Variants in ZNF469 observed in about 807,000 individuals in gnomAD.
ZNF469 encodes zinc finger protein 469.
A neutral mutation model predicts 1.0 loss-of-function variants in ZNF469; 1 was observed. The ratio of observed to expected loss-of-function variants is 1.00; its 90% confidence interval spans 0.35 to 4.73. The LOEUF (loss-of-function observed/expected upper bound fraction) is 4.73. Ranked by LOEUF, ZNF469 falls within the 30% of genes most tolerant of loss-of-function variation. ZNF469 has a pLI of 0.16. For synonymous variants in ZNF469, 2,703 were observed against 2,363.4 expected (o/e 1.14, Z -4.17); for missense variants, 6,100 against 5,356.3 (o/e 1.14, Z -4.33).
intron 1 of ZNF469, among the ~76,000 whole-genome samples, chr16:88,413,281 C>T (rs916653139): frequency 6.6e-5 from 10 of 152,212 alleles, no homozygotes; most frequent in Non-Finnish European, 1.5e-4. Flanking sequence ...GCGGCCTGGG[C>T]AGTGACACTC....
At chr16:88,107,605 G>C in the ZNF469 span, among the ~76,000 whole-genome samples, 6 of 152,210 alleles carry the variant, frequency 3.9e-5, no homozygotes, top group African/African-American at 1.4e-4. Flanking sequence ...GTGGCTGAGG[G>C]TCACGAGGCA....
the ZNF469 span, among the ~76,000 whole-genome samples, chr16:88,127,763 A>C: frequency 1.3e-5 from 2 of 152,340 alleles, no homozygotes; most frequent in Admixed American, 1.3e-4. Context: ...GAGATGAAGA[A>C]GGTTGGATTT....
the ZNF469 span, among the ~76,000 whole-genome samples, chr16:88,134,990 G>A: frequency 6.6e-6 from 1 of 152,206 alleles, no homozygotes; most frequent in African/African-American, 2.4e-5. Context: ...AAGTCCCCAG[G>A]CCGCTCCTCC....
chr16:88,429,326 G>A lies in ZNF469; in HGVS notation c.1856G>A (p.Ser619Asn). 1 of 1,549,916 alleles carries A rather than the reference G, an allele frequency of 6.5e-7. No homozygotes were observed. Among genetic ancestry groups the A allele is most frequent in the Non-Finnish European group, 8.7e-7 (1 of 1,146,852 alleles). Residue 619 changes from serine to asparagine, a missense_variant, in exon 3 of 3, where the codon AGC becomes AAC. Ser to Asn is a conservative substitution (Grantham distance 46, BLOSUM62 1). Coordinates refer to ENST00000565624, the MANE Select transcript of ZNF469 (RefSeq NM_001367624.2). ...ATGTCCAGCAGCCCAGCCAACCCCA[G>A]CTCAGAGGAAAGCCAGCTCCCCGGC... is the stretch of plus-strand genomic sequence containing the variant. ...SPMSSSPANP[S>N]SEESQLPGPL...
At position 88,433,845 on chromosome 16, in the gene ZNF469, C is replaced by A. The variant is rs1906374382; in HGVS notation, c.6375C>A (p.Cys2125Ter). ...PSPTSAAHMP[C>*]SLGPLPREDP... is the part of the protein sequence containing the mutation. ...CCACTTCAGCCGCCCACATGCCCTG[C>A]AGCCTTGGGCCCCTGCCCCGTGAAG... Residue 2125 changes from cysteine to a stop codon, truncating the protein, a stop_gained, in exon 3 of 3, where the codon TGC becomes TGA. Transcript: ENST00000565624. LOFTEE classifies it low-confidence loss of function (END_TRUNC). The A allele has an allele frequency of 1.3e-6, 2 of 1,549,636 alleles. No homozygotes were observed. Among genetic ancestry groups the A allele is most frequent in the African/African-American group, 2.7e-5 (2 of 73,064 alleles).
At chr16:88,212,142 AT>A in the ZNF469 span, among the ~76,000 whole-genome samples, 16 of 151,494 alleles carry the variant, frequency 1.1e-4, no homozygotes, top group Admixed American at 3.9e-4. Flanking sequence ...GGACCCAAGC[AT>A]TTTTTTTTCT....
At chr16:88,131,971 G>A in the ZNF469 span, among the ~76,000 whole-genome samples, 1 of 152,226 alleles carries the variant, frequency 6.6e-6, no homozygotes, top group African/African-American at 2.4e-5. Flanking sequence ...GCGCATCTCC[G>A]GGGCTGCTGA....
chr16:88,434,668 T>A lies in ZNF469; in HGVS notation c.7198T>A (p.Ser2400Thr). 6.5e-7 allele frequency: 1 copy of A among 1,550,238 alleles called. No homozygotes were observed. ...ATKMPRVTCPSTGLGLGRTTA... is the reference protein window; with the variant it reads ...ATKMPRVTCPTTGLGLGRTTA... ...CAAGATGCCCAGGGTCACCTGCCCT[T>A]CCACAGGACTGGGCTTGGGAAGAAC... Residue 2400 changes from serine to threonine, a missense_variant, in exon 3 of 3, where the codon TCC becomes ACC. Ser to Thr is a moderately conservative substitution (Grantham distance 58, BLOSUM62 1). Transcript: ENST00000565624.
the ZNF469 span, among the ~76,000 whole-genome samples, chr16:88,283,189 C>T: frequency 6.6e-6 from 1 of 151,892 alleles, no homozygotes; most frequent in African/African-American, 2.4e-5. Context: ...AGGAACGTTT[C>T]TGGGGTGATG....
intron 1 of ZNF469, among the ~76,000 whole-genome samples, chr16:88,397,053 G>A (rs1436274741): frequency 6.6e-6 from 1 of 150,754 alleles, no homozygotes; most frequent in African/African-American, 2.4e-5. Context: ...AAGACAGGCC[G>A]GGAGGAGACC....
intron 1 of ZNF469, among the ~76,000 whole-genome samples, chr16:88,408,044 A>C (rs567179159): frequency 6.6e-6 from 1 of 152,322 alleles, no homozygotes; most frequent in South Asian, 2.1e-4. Flanking sequence ...GCTGGCCAGG[A>C]AGCTCAGAGC....
the ZNF469 span, among the ~76,000 whole-genome samples, chr16:88,186,789 A>G: frequency 1.3e-5 from 2 of 152,168 alleles, no homozygotes; most frequent in African/African-American, 4.8e-5. Flanking sequence ...TCTCGCTGGG[A>G]GGGCTCCGGC....
chr16:88,284,333 C>T, the ZNF469 span, among the ~76,000 whole-genome samples: 1 of 152,200 alleles, frequency 6.6e-6, no homozygotes, highest in African/African-American at 2.4e-5. Flanking sequence ...CGCCTATAAT[C>T]CCAGCCTCCT....
chr16:88,335,787 C>T, the ZNF469 span, among the ~76,000 whole-genome samples: 18 of 152,282 alleles, frequency 1.2e-4, no homozygotes, highest in East Asian at 1.2e-3. Flanking sequence ...GCCAATACCA[C>T]GCACATTCGT....
chr16:88,432,970 C>G lies in ZNF469; in HGVS notation c.5500C>G (p.His1834Asp), dbSNP rs1369734311. Reference protein sequence around the residue: ...GASPSHAAQGHSAGRAGGHLH... With the variant: ...GASPSHAAQGDSAGRAGGHLH... ...CAGTCCCAGCCATGCTGCCCAGGGACATTCTGCAGGCAGAGCAGGTGGGCA... is the reference window on the plus strand; with the variant it reads ...CAGTCCCAGCCATGCTGCCCAGGGAGATTCTGCAGGCAGAGCAGGTGGGCA... Residue 1834 changes from histidine (H) to aspartate (D), a missense_variant, in exon 3 of 3, where the codon CAT becomes GAT. Physicochemically the swap from His to Asp is moderately conservative, Grantham distance 81 (BLOSUM62 -1). Coordinates refer to ENST00000565624, the MANE Select transcript of ZNF469 (RefSeq NM_001367624.2). 6.5e-7 allele frequency: 1 copy of G among 1,550,292 alleles called. No homozygotes were observed. Among genetic ancestry groups the G allele is most frequent in the African/African-American group, 1.4e-5 (1 of 73,058 alleles).
chr16:88,117,740 T>C, the ZNF469 span, among the ~76,000 whole-genome samples: 1 of 152,192 alleles, frequency 6.6e-6, no homozygotes. Flanking sequence ...TGCCGCACTG[T>C]TGCTGGGACC....
At chr16:88,222,733 G>A in the ZNF469 span, among the ~76,000 whole-genome samples, 1 of 151,458 alleles carries the variant, frequency 6.6e-6, no homozygotes, top group Admixed American at 6.6e-5. Flanking sequence ...CCCCAGCCTG[G>A]GCAACAAGAG....
the ZNF469 span, among the ~76,000 whole-genome samples, chr16:88,243,525 A>G: frequency 6.6e-6 from 1 of 152,064 alleles, no homozygotes; most frequent in African/African-American, 2.4e-5. Flanking sequence ...TGCATTTCTC[A>G]AGGACAAGCG....
chr16:88,329,192 C>A, the ZNF469 span, among the ~76,000 whole-genome samples: 3 of 152,140 alleles, frequency 2.0e-5, no homozygotes, highest in African/African-American at 7.2e-5. Flanking sequence ...GGGAGTAACA[C>A]GGCCGCTGCT....
Sources: allele counts gnomAD v4.1 joint callset (sites outside exome capture counted in the v4.1 genomes callset), GRCh38; gene constraint gnomAD v4.1.1; transcripts MANE v1.5; gene names NCBI Gene and HGNC (gene_info 2026-07-23, HGNC 2026-07-21).